DUSP16: variants seen among roughly 807,000 people sequenced by gnomAD.
The protein encoded by DUSP16 is dual specificity protein phosphatase 16.
DUSP16 carries 21 observed loss-of-function variants against 58.3 expected under a neutral mutation model. That is an observed-to-expected ratio of 0.36 (90% CI 0.26 to 0.52). The LOEUF (loss-of-function observed/expected upper bound fraction) is 0.52. Among genes scored for constraint, DUSP16 ranks in the 20% least tolerant of loss-of-function variants. DUSP16 has a pLI of 0.94. For synonymous variants in DUSP16, 320 were observed against 323.8 expected (o/e 0.99, Z 0.12); for missense variants, 726 against 819.0 (o/e 0.89, Z 1.39).
chr12:12,532,014 C>T (rs552881585), intron 1 of DUSP16, among the ~76,000 whole-genome samples: 5 of 151,962 alleles, frequency 3.3e-5, no homozygotes, highest in South Asian at 4.2e-4. Context: ...GAAAATTAGC[C>T]GGGCGCGGTG....
In DUSP16 at chr12:12,562,562, G is replaced by A. The variant is rs1399919170; in HGVS notation, c.-811C>T. On this transcript the variant is annotated 5_prime_UTR_variant, in exon 1 of 7. Transcript: ENST00000298573. ...GATACATAGAAAGAGGGGGAAAGGC[G>A]GGGGGGTGGGGTGGGGGGTTGGGGG... Among the ~76,000 whole-genome samples the A allele has an allele frequency of 6.7e-6, 1 of 148,240 alleles. No individual in the cohort carries two copies. Among genetic ancestry groups the A allele is most frequent in the Non-Finnish European group, 1.5e-5 (1 of 66,554 alleles).
At chr12:12,497,738 G>A in intron 4 of DUSP16, among the ~76,000 whole-genome samples, 1 of 151,838 alleles carries the variant, frequency 6.6e-6, no homozygotes, top group Non-Finnish European at 1.5e-5. Flanking sequence ...TTGGGAGGCT[G>A]AGGCGGGCGG....
intron 4 of DUSP16, among the ~76,000 whole-genome samples, chr12:12,492,015 C>T (rs968702682): frequency 6.6e-6 from 1 of 152,144 alleles, no homozygotes; most frequent in Non-Finnish European, 1.5e-5. Flanking sequence ...TCCTTTTACC[C>T]CAACTTCCTC....
intron 1 of DUSP16, among the ~76,000 whole-genome samples, chr12:12,528,854 T>C (rs1449606300): frequency 6.6e-6 from 1 of 151,474 alleles, no homozygotes; most frequent in Non-Finnish European, 1.5e-5. Context: ...GAGCAAAGGG[T>C]GTGCGGGGGT....
chr12:12,524,252 ACT>A (rs1944272775), intron 1 of DUSP16, among the ~76,000 whole-genome samples: 1 of 152,182 alleles, frequency 6.6e-6, no homozygotes, highest in Non-Finnish European at 1.5e-5. Flanking sequence ...GGTCAAAGTG[ACT>A]CTAAGCTGAG....
chr12:12,487,333 C>A, intron 4 of DUSP16, 146 bp from the exon 5 acceptor site: 4 of 857,122 alleles, frequency 4.7e-6, no homozygotes, highest in South Asian at 2.5e-5. Context: ...AAAAACCTAG[C>A]AAAATGACAT....
chr12:12,559,864 C>T (rs993766892), intron 1 of DUSP16, among the ~76,000 whole-genome samples: 6 of 152,138 alleles, frequency 3.9e-5, no homozygotes, highest in Non-Finnish European at 5.9e-5. Flanking sequence ...CTTCCCCCCT[C>T]CCATCTCAGC....
chr12:12,492,376 A>C (rs1437995594), intron 4 of DUSP16, among the ~76,000 whole-genome samples: 2 of 152,196 alleles, frequency 1.3e-5, no homozygotes, highest in South Asian at 2.1e-4. Context: ...ACATTTACCC[A>C]TCTCTCAGCA....
chr12:12,529,606 G>C (rs1473154664), intron 1 of DUSP16, among the ~76,000 whole-genome samples: 1 of 152,052 alleles, frequency 6.6e-6, no homozygotes, highest in Non-Finnish European at 1.5e-5. Context: ...GTTAACTGTG[G>C]TCACCATGCT....
chr12:12,493,318 A>G (rs1943786834), intron 4 of DUSP16, among the ~76,000 whole-genome samples: 1 of 152,092 alleles, frequency 6.6e-6, no homozygotes, highest in South Asian at 2.1e-4. Flanking sequence ...TATACCTTCA[A>G]TATAGAGCCC....
At chr12:12,508,680 A>G (rs1944031972) in intron 3 of DUSP16, among the ~76,000 whole-genome samples, 1 of 152,230 alleles carries the variant, frequency 6.6e-6, no homozygotes, top group South Asian at 2.1e-4. Context: ...AGTAGCCTAC[A>G]TCTCACAAAA....
At chr12:12,534,186 C>T (rs1264648509) in intron 1 of DUSP16, among the ~76,000 whole-genome samples, 1 of 152,192 alleles carries the variant, frequency 6.6e-6, no homozygotes, top group Non-Finnish European at 1.5e-5. Flanking sequence ...GAAAGGGCGG[C>T]CAGGTAGCAG....
rs569540440 is a variant in DUSP16, at chr12:12,474,946, A to G, written c.*1887T>C. On this transcript the variant is annotated 3_prime_UTR_variant, in exon 7 of 7. Transcript: ENST00000298573. ...CGTTGACCAGCACTTTCCCAGTATC[A>G]TAACAATGCGGCTGACCCTCTTCTG... The G allele has an allele frequency of 2.0e-5, 3 of 152,352 alleles. No individual in the cohort carries two copies. In the East Asian group the frequency reaches 5.8e-4, roughly 29 times the overall value. 9.4% of individuals were successfully genotyped at this position (152,352 alleles called of 1,614,324 possible).
At chr12:12,521,882 T>C (rs759651907) in intron 1 of DUSP16, among the ~76,000 whole-genome samples, 1 of 152,064 alleles carries the variant, frequency 6.6e-6, no homozygotes, top group South Asian at 2.1e-4. Flanking sequence ...AGCAATCCTG[T>C]GTTACCAGGA....
In DUSP16 at chr12:12,474,922, G is replaced by A. The variant is rs144992447; in HGVS notation, c.*1911C>T. 655 of 152,234 alleles carry A rather than the reference G, an allele frequency of 4.3e-3. 7 individuals carry two copies. Among genetic ancestry groups the A allele is most frequent in the African/African-American group, 0.015 (622 of 41,530 alleles). 9.4% of individuals were successfully genotyped at this position (152,234 alleles called of 1,614,324 possible). A position where few individuals can be genotyped will look rare whatever the true frequency, so the allele number is the denominator to read the frequency against. ...GTATATCTAAAAACTAACTCAAATC[G>A]TTGACCAGCACTTTCCCAGTATCAT... On this transcript the variant is annotated 3_prime_UTR_variant, in exon 7 of 7. Coordinates refer to ENST00000298573, the MANE Select transcript of DUSP16 (RefSeq NM_030640.3).
intron 3 of DUSP16, among the ~76,000 whole-genome samples, chr12:12,505,521 C>T (rs1943980586): frequency 6.6e-6 from 1 of 152,148 alleles, no homozygotes; most frequent in African/African-American, 2.4e-5. Flanking sequence ...TGTTCATGAC[C>T]ACCATTTACA....
At chr12:12,483,334 C>G (rs1943611501) in intron 5 of DUSP16, among the ~76,000 whole-genome samples, 1 of 152,094 alleles carries the variant, frequency 6.6e-6, no homozygotes, top group South Asian at 2.1e-4. Context: ...AGGTACTTTA[C>G]AAGGTGTTCA....
At chr12:12,481,498 A>G (rs1011376664) in intron 5 of DUSP16, among the ~76,000 whole-genome samples, 1 of 152,250 alleles carries the variant, frequency 6.6e-6, no homozygotes, top group East Asian at 1.9e-4. Flanking sequence ...CGATTAACAG[A>G]TGCGCAAAGA....
chr12:12,523,919 AT>A (rs1335668456), intron 1 of DUSP16, among the ~76,000 whole-genome samples: 1 of 152,208 alleles, frequency 6.6e-6, no homozygotes, highest in East Asian at 1.9e-4. Flanking sequence ...GAAAGTGGAA[AT>A]CCGAGAACAA....
Sources: gnomAD v4.1 joint callset for allele counts (sites outside exome capture counted in the v4.1 genomes callset) on GRCh38, gnomAD v4.1.1 for gene constraint, MANE v1.5 for transcripts, NCBI Gene and HGNC (gene_info 2026-07-23, HGNC 2026-07-21) for gene names.